The following LRRFIP1 variants were observed in gnomAD, a reference collection of about 807,000 sequenced individuals.
LRRFIP1 encodes leucine-rich repeat flightless-interacting protein 1.
A neutral mutation model predicts 104.4 loss-of-function variants in LRRFIP1; 62 were observed. The observed-to-expected ratio is 0.59, with a 90% CI of 0.48 to 0.73. The LOEUF (loss-of-function observed/expected upper bound fraction) is 0.73, where lower values mean the gene tolerates loss of function less well. Ranked by LOEUF, LRRFIP1 falls within the 30% of genes least tolerant of loss-of-function variation. The probability of loss-of-function intolerance (pLI) is 0.00; values close to 1 mark genes in which losing one functional copy is unlikely to be tolerated. For synonymous variants in LRRFIP1, 300 were observed against 299.0 expected, an observed-to-expected ratio of 1.00 and a Z score of -0.03; for missense variants, 796 against 824.5, an observed-to-expected ratio of 0.97 and a Z score of 0.42.
At chr2:237,702,227 C>T (rs974523897) in intron 1 of LRRFIP1, among the ~76,000 whole-genome samples, 3 of 152,158 alleles carry the variant, frequency 2.0e-5, no homozygotes, top group South Asian at 2.1e-4. Context: ...TAAAATAAGA[C>T]GCAACAATAG....
In LRRFIP1 at chr2:237,780,441, A is replaced by G. The variant is rs556011109; in HGVS notation, c.*909A>G. ...CAAGTCAATTCATTTTTCTTTCCCT[A>G]TTTAAAAAAAAAGGTGTTTTCACAG... On this transcript the variant is annotated 3_prime_UTR_variant, in exon 24 of 24. Transcript: ENST00000308482. 11 of 145,104 alleles carry G rather than the reference A, an allele frequency of 7.6e-5. No individual in the cohort carries two copies. Among genetic ancestry groups the G allele is most frequent in the South Asian group, 2.3e-4 (1 of 4,322 alleles). 9.0% of individuals were successfully genotyped at this position (145,104 alleles called of 1,614,324 possible).
At chr2:237,726,396 A>G (rs966259705) in intron 7 of LRRFIP1, among the ~76,000 whole-genome samples, 1 of 152,122 alleles carries the variant, frequency 6.6e-6, no homozygotes, top group Non-Finnish European at 1.5e-5. Flanking sequence ...AATATGTGCT[A>G]TACAGCACCC....
intron 1 of LRRFIP1, among the ~76,000 whole-genome samples, chr2:237,706,022 G>A (rs2093786391): frequency 6.6e-6 from 1 of 152,234 alleles, no homozygotes; most frequent in African/African-American, 2.4e-5. Flanking sequence ...AACTGACGAA[G>A]GATTTTAATT....
intron 1 of LRRFIP1, among the ~76,000 whole-genome samples, chr2:237,693,288 G>T (rs569713893): frequency 1.3e-5 from 2 of 152,346 alleles, no homozygotes; most frequent in African/African-American, 4.8e-5. Flanking sequence ...CTTGGTAAAA[G>T]TATGAGCCCC....
chr2:237,669,792 C>T (rs897891702), intron 1 of LRRFIP1, among the ~76,000 whole-genome samples: 9 of 152,112 alleles, frequency 5.9e-5, no homozygotes, highest in African/African-American at 9.7e-5. Flanking sequence ...AAACATGGAC[C>T]GGCTGTTCCA....
At chr2:237,701,109 C>A (rs1280290595) in intron 1 of LRRFIP1, among the ~76,000 whole-genome samples, 1 of 152,202 alleles carries the variant, frequency 6.6e-6, no homozygotes. Flanking sequence ...TGAGCAGTGC[C>A]AGGATCCCCT....
chr2:237,719,476 T>G, intron 4 of LRRFIP1, 47 bp from the exon 5 acceptor site: 2 of 1,461,736 alleles, frequency 1.4e-6, no homozygotes, highest in Non-Finnish European at 1.9e-6. Flanking sequence ...GCACTTTTCC[T>G]GTGTCCATCT....
intron 1 of LRRFIP1, among the ~76,000 whole-genome samples, chr2:237,700,046 T>C (rs763572732): frequency 1.3e-5 from 2 of 152,330 alleles, no homozygotes; most frequent in South Asian, 4.1e-4. Flanking sequence ...GAGCCTCCCT[T>C]GCGTTGCGGA....
intron 8 of LRRFIP1, among the ~76,000 whole-genome samples, chr2:237,732,197 C>G (rs146580946): frequency 6.6e-6 from 1 of 152,292 alleles, no homozygotes; most frequent in African/African-American, 2.4e-5. Context: ...CTCCCTCCCC[C>G]GTGAGTGCAT....
At chr2:237,631,531 T>C (rs1311258514) in intron 1 of LRRFIP1, among the ~76,000 whole-genome samples, 3 of 152,230 alleles carry the variant, frequency 2.0e-5, no homozygotes, top group Non-Finnish European at 4.4e-5. Context: ...CGGGATGTTA[T>C]CAGGAGAAAG....
chr2:237,707,947 G>A lies in LRRFIP1; in HGVS notation c.97-597G>A, dbSNP rs538987642. Among the ~76,000 whole-genome samples, 10 of 152,316 alleles carry A rather than the reference G, an allele frequency of 6.6e-5. No individual in the cohort carries two copies. In the South Asian group the frequency reaches 1.2e-3, roughly 19 times the overall value. ...GGCTGTGTTTTAAGGGGAAGCTGAG[G>A]GTGCGTGTGTGCTGAGAAGTGACTG... is the stretch of plus-strand genomic sequence containing the variant. On this transcript the variant is annotated intron_variant, in intron 1 of 23. Coordinates refer to ENST00000308482, the MANE Select transcript of LRRFIP1 (RefSeq NM_001137550.2).
At chr2:237,759,179 C>T (rs2059603613) in intron 18 of LRRFIP1, among the ~76,000 whole-genome samples, 1 of 152,188 alleles carries the variant, frequency 6.6e-6, no homozygotes, top group Non-Finnish European at 1.5e-5. Context: ...AAGGACTTCT[C>T]TAGAGGAACA....
chr2:237,686,765 C>G (rs1043445893), intron 1 of LRRFIP1, among the ~76,000 whole-genome samples: 3 of 152,262 alleles, frequency 2.0e-5, no homozygotes, highest in Non-Finnish European at 4.4e-5. Flanking sequence ...GCAGTCAGGA[C>G]CCTGGCCTGA....
chr2:237,688,685 C>T (rs2092564573), intron 1 of LRRFIP1, among the ~76,000 whole-genome samples: 1 of 152,046 alleles, frequency 6.6e-6, no homozygotes, highest in African/African-American at 2.4e-5. Flanking sequence ...TCTCGAACTC[C>T]TGGGCTCAGG....
intron 14 of LRRFIP1, 49 bp downstream of exon 14, chr2:237,751,320 T>A: frequency 2.6e-6 from 3 of 1,149,918 alleles, no homozygotes; most frequent in South Asian, 1.6e-5. Context: ...CAACTTAACT[T>A]AAAAAAAAAA....
intron 19 of LRRFIP1, chr2:237,763,903 A>C: frequency 1.9e-6 from 3 of 1,614,272 alleles, no homozygotes; most frequent in Non-Finnish European, 2.5e-6. Context: ...CCCTGCCCGA[A>C]CATGAAAGTC....
chr2:237,654,868 A>G (rs2086543222), intron 1 of LRRFIP1, among the ~76,000 whole-genome samples: 1 of 151,942 alleles, frequency 6.6e-6, no homozygotes, highest in African/African-American at 2.4e-5. Flanking sequence ...ATATATCTAC[A>G]CTCCCACATT....
rs2094612596 is a variant in LRRFIP1 at position 237,723,590 on chromosome 2, A to G, written c.384+4A>G. 6.2e-7 allele frequency: 1 copy of G among 1,613,420 alleles called. No individual in the cohort carries two copies. The highest frequency in any genetic ancestry group is 1.1e-5 in the South Asian group (1 of 91,078). ...GTATGGGGGTCCTTACGCCTGGGTGAGATGGTCGGATATACTTTGCTGTGT... is the reference window on the plus strand; with the variant it reads ...GTATGGGGGTCCTTACGCCTGGGTGGGATGGTCGGATATACTTTGCTGTGT... On this transcript the variant is annotated splice_donor_region_variant and intron_variant, in intron 7 of 23. Coordinates refer to ENST00000308482, the MANE Select transcript of LRRFIP1 (RefSeq NM_001137550.2).
chr2:237,720,687 C>T (rs928257368), intron 5 of LRRFIP1, 85 bp from the exon 6 acceptor site: 2 of 1,265,614 alleles, frequency 1.6e-6, no homozygotes, highest in Admixed American at 1.7e-5. Context: ...GGTCAGTTCC[C>T]AGCATCCCCC....
Sources: allele counts gnomAD v4.1 joint callset (sites outside exome capture counted in the v4.1 genomes callset), GRCh38; gene constraint gnomAD v4.1.1; transcripts MANE v1.5; gene names NCBI Gene and HGNC (gene_info 2026-07-23, HGNC 2026-07-21).